The following FBXW7 variants were observed in gnomAD, a reference collection of about 807,000 sequenced individuals.
FBXW7 encodes the protein F-box/WD repeat-containing protein 7.
In FBXW7, 11 loss-of-function variants were observed where a neutral mutation model predicts 86.3. That is an observed-to-expected ratio of 0.13 (90% CI 0.08 to 0.21). The LOEUF (loss-of-function observed/expected upper bound fraction) is 0.21. Among genes scored for constraint, FBXW7 ranks in the 10% least tolerant of loss-of-function variants. FBXW7 has a pLI of 1.00. For missense variants in FBXW7, 488 were observed against 847.4 expected, an observed-to-expected ratio of 0.58 and a Z score of 5.27; for synonymous variants, 313 against 297.9, an observed-to-expected ratio of 1.05 and a Z score of -0.52.
chr4:152,503,667 GA>G (rs1162277184), intron 2 of FBXW7, among the ~76,000 whole-genome samples: 1 of 149,120 alleles, frequency 6.7e-6, no homozygotes, highest in Non-Finnish European at 1.5e-5. Context: ...AAAAAATCAA[GA>G]GTGGCATAGA....
intron 2 of FBXW7, among the ~76,000 whole-genome samples, chr4:152,528,226 G>A (rs189683697): frequency 5.1e-4 from 78 of 152,240 alleles, no homozygotes; most frequent in Middle Eastern, 3.4e-3. Flanking sequence ...CTTACAGCCA[G>A]ATTTCCAGTA....
intron 2 of FBXW7, among the ~76,000 whole-genome samples, chr4:152,437,135 C>T (rs1429851560): frequency 6.6e-6 from 1 of 152,156 alleles, no homozygotes; most frequent in African/African-American, 2.4e-5. Context: ...AACTGCACTC[C>T]AGATACCATT....
Position 152,446,424 on chromosome 4 carries a change from G to T in FBXW7, c.-119-33895C>A, listed in dbSNP as rs551334756. On this transcript the variant is annotated intron_variant, in intron 2 of 13. Transcript: ENST00000281708. ...CTAACTCTAACTTCTATAGCTTCAAGGTCAAGTATTCTAATACTTCCCACT... is the reference window on the plus strand; with the variant it reads ...CTAACTCTAACTTCTATAGCTTCAATGTCAAGTATTCTAATACTTCCCACT... Among the ~76,000 whole-genome samples, 103 of 150,514 alleles carry T rather than the reference G, an allele frequency of 6.8e-4. 1 individual carries two copies. The highest frequency in any genetic ancestry group is 4.8e-3 in the South Asian group (23 of 4,774).
intron 4 of FBXW7, among the ~76,000 whole-genome samples, chr4:152,375,456 T>C (rs1404961704): frequency 1.3e-5 from 2 of 151,990 alleles, no homozygotes; most frequent in Admixed American, 6.6e-5. Context: ...ATGAAAAGAA[T>C]AGAAGAAAAT....
intron 2 of FBXW7, among the ~76,000 whole-genome samples, chr4:152,438,711 T>C (rs568069106): frequency 6.6e-6 from 1 of 152,162 alleles, no homozygotes; most frequent in South Asian, 2.1e-4. Context: ...AACATAAAGC[T>C]ATACAAGTAA....
In FBXW7 at chr4:152,352,488, T is replaced by C. The variant is rs200821307; in HGVS notation, c.502-2364A>G. On this transcript the variant is annotated intron_variant, in intron 4 of 13. Transcript: ENST00000281708. ...TACTTACTTTGTAAAAAATCATTTT[T>C]AATGTGCCGTAGAAACCCATATTTT... The C allele has an allele frequency of 2.2e-5, 35 of 1,613,780 alleles. No individual in the cohort carries two copies. The highest frequency in any genetic ancestry group is 3.3e-4 in the Middle Eastern group (2 of 6,080).
intron 2 of FBXW7, among the ~76,000 whole-genome samples, chr4:152,456,494 C>T (rs879522460): frequency 6.6e-6 from 1 of 151,772 alleles, no homozygotes; most frequent in African/African-American, 2.4e-5. Flanking sequence ...TATGATCACA[C>T]CACTGCACTC....
intron 4 of FBXW7, among the ~76,000 whole-genome samples, chr4:152,379,110 T>C (rs1001312359): frequency 1.3e-5 from 2 of 152,148 alleles, no homozygotes; most frequent in African/African-American, 4.8e-5. Context: ...GTAAGCTATC[T>C]AGTGCCATCA....
intron 2 of FBXW7, among the ~76,000 whole-genome samples, chr4:152,519,122 C>A (rs999277419): frequency 6.6e-6 from 1 of 152,008 alleles, no homozygotes; most frequent in Non-Finnish European, 1.5e-5. Flanking sequence ...CACGGTGAAA[C>A]CCCGTCTCTA....
chr4:152,322,354 T>C lies in FBXW7; in HGVS notation c.*527A>G, dbSNP rs1013038015. On this transcript the variant is annotated 3_prime_UTR_variant, in exon 14 of 14. Coordinates refer to ENST00000281708, the MANE Select transcript of FBXW7 (RefSeq NM_001349798.2). The stretch of plus-strand genomic sequence containing the variant: ...AAAAAAAAAAAAAAGCTTTTCATGA[T>C]AACTGTACAAAAACAATTCACAGTA... The C allele has an allele frequency of 3.1e-5, 7 of 225,764 alleles. No individual in the cohort carries two copies. The highest frequency in any genetic ancestry group is 4.5e-5 in the African/African-American group (2 of 44,354). The allele number at this position is 225,764 out of a possible 1,614,324, so 14.0% of individuals were successfully genotyped here.
chr4:152,464,315 A>G (rs1743219108), intron 2 of FBXW7, among the ~76,000 whole-genome samples: 1 of 152,202 alleles, frequency 6.6e-6, no homozygotes. Context: ...TGGAGCATTA[A>G]GAGGAAGAAA....
At chr4:152,333,212 T>G (rs1729738672) in intron 7 of FBXW7, among the ~76,000 whole-genome samples, 1 of 152,160 alleles carries the variant, frequency 6.6e-6, no homozygotes, top group Non-Finnish European at 1.5e-5. Context: ...TGTTTATTAT[T>G]GTAATGAACT....
At chr4:152,403,250 G>A (rs911057581) in intron 4 of FBXW7, among the ~76,000 whole-genome samples, 1 of 152,140 alleles carries the variant, frequency 6.6e-6, no homozygotes, top group Non-Finnish European at 1.5e-5. Flanking sequence ...GGCCAAGGCA[G>A]GTGGATCACT....
At chr4:152,439,992 A>G (rs1038012688) in intron 2 of FBXW7, among the ~76,000 whole-genome samples, 1 of 152,146 alleles carries the variant, frequency 6.6e-6, no homozygotes, top group Non-Finnish European at 1.5e-5. Context: ...TATTGCTACT[A>G]AACACTTAAA....
chr4:152,507,593 A>C (rs1747545023), intron 2 of FBXW7, among the ~76,000 whole-genome samples: 1 of 152,228 alleles, frequency 6.6e-6, no homozygotes, highest in South Asian at 2.1e-4. Flanking sequence ...CTAAGACACA[A>C]AGACTTTTAA....
At chr4:152,521,809 ATTTTTTTT>A (rs575881137) in intron 2 of FBXW7, among the ~76,000 whole-genome samples, 1 of 100,694 alleles carries the variant, frequency 9.9e-6, no homozygotes, top group African/African-American at 4.6e-5. Context: ...TAAGGGTCCA[ATTTTTTTT>A]TTTTTTTTTT....
intron 7 of FBXW7, among the ~76,000 whole-genome samples, chr4:152,335,759 G>A (rs1730018011): frequency 6.6e-6 from 1 of 151,956 alleles, no homozygotes; most frequent in African/African-American, 2.4e-5. Context: ...GTATTTCAGT[G>A]GATTAAACTA....
intron 4 of FBXW7, among the ~76,000 whole-genome samples, chr4:152,364,878 T>C (rs1733321776): frequency 6.6e-6 from 1 of 152,172 alleles, no homozygotes; most frequent in Non-Finnish European, 1.5e-5. Context: ...TTACAACACA[T>C]GCAGATTTAC....
chr4:152,426,855 A>G (rs1029219978), intron 2 of FBXW7, among the ~76,000 whole-genome samples: 2 of 152,258 alleles, frequency 1.3e-5, no homozygotes, highest in Non-Finnish European at 1.5e-5. Flanking sequence ...CGCACAGAAT[A>G]GAGACGAAGG....
Sources: allele counts gnomAD v4.1 joint callset (sites outside exome capture counted in the v4.1 genomes callset), GRCh38; gene constraint gnomAD v4.1.1; transcripts MANE v1.5; gene names NCBI Gene and HGNC (gene_info 2026-07-23, HGNC 2026-07-21).